DOK7: variants seen among roughly 807,000 people sequenced by gnomAD.
DOK7 encodes protein Dok-7.
In DOK7, 32 loss-of-function variants were observed where a neutral mutation model predicts 30.7. The ratio of observed to expected loss-of-function variants is 1.04; its 90% CI spans 0.79 to 1.40. The LOEUF (loss-of-function observed/expected upper bound fraction) is 1.40. Ranked by LOEUF, DOK7 falls within the 40% of genes most tolerant of loss-of-function variation. The probability of loss-of-function intolerance (pLI) is 0.00; values close to 1 mark genes in which losing one functional copy is unlikely to be tolerated. For synonymous variants in DOK7, 447 were observed against 324.1 expected (o/e 1.38, Z -4.07); for missense variants, 1,007 against 699.2 (o/e 1.44, Z -4.97).
At chr4:3,499,949 T>TG (rs1004008954) in intron 6 of DOK7, among the ~76,000 whole-genome samples, 13 of 136,218 alleles carry the variant, frequency 9.5e-5, no homozygotes, top group African/African-American at 3.7e-4. Flanking sequence ...GAGTGGGCCT[T>TG]GGGGGGCCCA....
rs542011407 is a variant in DOK7 at position 3,468,405 on chromosome 4, TGCA to T, written c.100+4859_100+4861del. On this transcript the variant is annotated intron_variant, in intron 2 of 6. Transcript: ENST00000340083. The stretch of plus-strand genomic sequence containing the variant: ...GTGTGTGCCGGTGTCTGCATGGGCA[TGCA>T]GCAGTGTGTGTGCCTGTGTGAATGT... 1.2e-4 allele frequency among the ~76,000 whole-genome samples: 19 copies of T among 152,044 alleles called. No individual in the cohort carries two copies. In the East Asian group the frequency reaches 3.3e-3, roughly 26 times the overall value.
At chr4:3,465,275 C>T (rs78694208) in intron 2 of DOK7, among the ~76,000 whole-genome samples, 4,079 of 152,300 alleles carry the variant, frequency 0.027, 173 homozygotes, top group African/African-American at 0.094. Context: ...ACCTCCTCTC[C>T]GCTCAGAGGC....
Position 3,494,074 on chromosome 4 carries a change from G to C in DOK7, c.*573G>C. ...GCTCAGGAGGCTGTGTGGCTTGCGGGGTCTCTGGGTTCTGGGCCCCACTGT... is the reference window on the plus strand; with the variant it reads ...GCTCAGGAGGCTGTGTGGCTTGCGGCGTCTCTGGGTTCTGGGCCCCACTGT... On this transcript the variant is annotated 3_prime_UTR_variant, in exon 7 of 7. Transcript: ENST00000340083. The C allele has an allele frequency of 1.0e-6, 1 of 986,846 alleles. No individual in the cohort carries two copies. 61.1% of individuals were successfully genotyped at this position (986,846 alleles called of 1,614,324 possible).
chr4:3,478,166 G>A (rs73793922), intron 4 of DOK7, among the ~76,000 whole-genome samples: 1,909 of 152,290 alleles, frequency 0.013, 44 homozygotes, highest in African/African-American at 0.043. Context: ...CCGGGGTGGC[G>A]CCGCGTGCTC....
At chr4:3,465,204 G>A (rs1726200013) in intron 2 of DOK7, among the ~76,000 whole-genome samples, 1 of 152,174 alleles carries the variant, frequency 6.6e-6, no homozygotes, top group Non-Finnish European at 1.5e-5. Context: ...GGTCAGATGA[G>A]GGGATGGGAC....
At chr4:3,495,200 C>T (rs371573063), downstream of DOK7, among the ~76,000 whole-genome samples, 388 of 152,318 alleles carry the variant, frequency 2.5e-3, 1 homozygote, top group African/African-American at 8.5e-3. Flanking sequence ...ACTCTTCAGG[C>T]GCTCAATAGC....
intron 2 of DOK7, among the ~76,000 whole-genome samples, chr4:3,468,792 GTA>G (rs937856203): frequency 9.2e-5 from 13 of 141,920 alleles, no homozygotes; most frequent in South Asian, 8.7e-4. Flanking sequence ...CTGTGATCAT[GTA>G]TGTCTGTGTG....
intron 2 of DOK7, among the ~76,000 whole-genome samples, chr4:3,469,956 T>C (rs1726662067): frequency 6.6e-6 from 1 of 152,064 alleles, no homozygotes; most frequent in East Asian, 1.9e-4. Flanking sequence ...GAAAATGAAA[T>C]CGGTGGTTTG....
At chr4:3,485,377 G>C in intron 4 of DOK7, 162 bp from the exon 5 acceptor site, 1 of 978,284 alleles carries the variant, frequency 1.0e-6, no homozygotes, top group East Asian at 3.1e-5. Context: ...GATTCACGGG[G>C]CCAGGCGGGG....
At position 3,489,929 on chromosome 4, in the gene DOK7, C is replaced by A; in HGVS notation, c.772+133C>A. The A allele has an allele frequency of 8.0e-6, 11 of 1,382,148 alleles. No individual in the cohort carries two copies. In the South Asian group the frequency reaches 1.6e-4, roughly 20 times the overall value. 85.6% of individuals were successfully genotyped at this position (1,382,148 alleles called of 1,614,324 possible). ...TCATTCATTCCTTCTGTCTCCTGCTCATTCATTCTTCCCCCAACTCCCCGC... is the reference window on the plus strand; with the variant it reads ...TCATTCATTCCTTCTGTCTCCTGCTAATTCATTCTTCCCCCAACTCCCCGC... On this transcript the variant is annotated intron_variant, in intron 6 of 6. Coordinates refer to ENST00000340083, the MANE Select transcript of DOK7 (RefSeq NM_173660.5).
At position 3,492,767 on chromosome 4, in the gene DOK7, C is replaced by G. The variant is rs142821143; in HGVS notation, c.781C>G (p.Arg261Gly). 43 of 1,612,640 alleles carry G rather than the reference C, an allele frequency of 2.7e-5. 1 individual carries two copies. The African/African-American group carries it at 4.1e-4, about 15-fold the overall frequency. ...TTCCTGCTCTGTCTCAGGGGATGAC[C>G]GCAGCCTGTCCAGCTCATCCTCAGA... ...AGRPGSGGDDRSLSSSSSEAS... is the reference protein window; with the variant it reads ...AGRPGSGGDDGSLSSSSSEAS... The change falls in exon 7 of 7, where the codon CGC (arginine) becomes GGC (glycine). Residue 261 changes from arginine to glycine, a missense_variant. Transcript: ENST00000340083.
chr4:3,470,392 A>G (rs1301427022), intron 2 of DOK7, among the ~76,000 whole-genome samples: 6 of 152,234 alleles, frequency 3.9e-5, no homozygotes, highest in Non-Finnish European at 8.8e-5. Flanking sequence ...CCTGCCTGTA[A>G]GTGCTCCTGG....
Position 3,463,436 on chromosome 4 carries a change from G to A in DOK7, c.54+7G>A, listed in dbSNP as rs1302739185. The stretch of plus-strand genomic sequence containing the variant: ...GCTGCGGGACGGCAAGAAGGTCGGG[G>A]CGCGTCGGGGGCGCGGGGGGGGGGG... On this transcript the variant is annotated splice_region_variant and intron_variant, in intron 1 of 6. Transcript: ENST00000340083. The A allele has an allele frequency of 1.4e-6, 2 of 1,439,624 alleles. No homozygotes were observed. Among genetic ancestry groups the A allele is most frequent in the South Asian group, 2.8e-5 (2 of 70,482 alleles). 89.2% of individuals were successfully genotyped at this position (1,439,624 alleles called of 1,614,324 possible). A position where few individuals can be genotyped will look rare whatever the true frequency, so the allele number is the denominator to read the frequency against.
At chr4:3,486,606 G>A (rs919039587) in intron 5 of DOK7, among the ~76,000 whole-genome samples, 10 of 152,224 alleles carry the variant, frequency 6.6e-5, no homozygotes, top group African/African-American at 1.7e-4. Flanking sequence ...GGAGTGGGGA[G>A]GTGGCACCTA....
Position 3,494,195 on chromosome 4 carries a change from G to T in DOK7, c.*694G>T. ...CCCACTGGGAGAGGCGCCGTGCCTC[G>T]GGCCCCTGGTGGGAGCTCTGCTGGC... On this transcript the variant is annotated 3_prime_UTR_variant, in exon 7 of 7. Coordinates refer to ENST00000340083, the MANE Select transcript of DOK7 (RefSeq NM_173660.5). The T allele has an allele frequency of 1.0e-6, 1 of 985,528 alleles. No individual in the cohort carries two copies. The highest frequency in any genetic ancestry group is 1.7e-5 in the African/African-American group (1 of 57,364). The allele number at this position is 985,528 out of a possible 1,614,324, so 61.0% of individuals were successfully genotyped here.
At chr4:3,476,245 T>TC in intron 3 of DOK7, 97 bp from the exon 4 acceptor site, 6 of 634,008 alleles carry the variant, frequency 9.5e-6, no homozygotes, top group East Asian at 1.2e-4. Context: ...TGATGCCCTC[T>TC]CACCCCACCC....
chr4:3,484,712 C>A (rs1727653030), intron 4 of DOK7: 2 of 985,518 alleles, frequency 2.0e-6, no homozygotes, highest in Non-Finnish European at 2.4e-6. Context: ...TGGATGCTGG[C>A]CCCAGGATGC....
At chr4:3,496,232 C>T (rs139178976), downstream of DOK7, among the ~76,000 whole-genome samples, 117 of 152,378 alleles carry the variant, frequency 7.7e-4, no homozygotes, top group African/African-American at 2.5e-3. Flanking sequence ...CCGTTAGGCA[C>T]GGCCCACTTC....
At chr4:3,469,992 A>G (rs1354302566) in intron 2 of DOK7, among the ~76,000 whole-genome samples, 1 of 152,128 alleles carries the variant, frequency 6.6e-6, no homozygotes, top group Non-Finnish European at 1.5e-5. Flanking sequence ...CCTGTGGCCG[A>G]CAGAAGAAAG....
Sources: gnomAD v4.1 joint callset for allele counts (sites outside exome capture counted in the v4.1 genomes callset) on GRCh38, gnomAD v4.1.1 for gene constraint, MANE v1.5 for transcripts, NCBI Gene and HGNC (gene_info 2026-07-23, HGNC 2026-07-21) for gene names.